The following NIM1K variants were observed in gnomAD, a reference collection of about 807,000 sequenced individuals.
The protein encoded by NIM1K is serine/threonine-protein kinase NIM1.
A neutral mutation model predicts 37.1 loss-of-function variants in NIM1K; 35 were observed. The observed-to-expected ratio is 0.94, with a 90% CI of 0.72 to 1.25. NIM1K has a LOEUF of 1.25. Among genes scored for constraint, NIM1K ranks in the 50% most tolerant of loss-of-function variants. NIM1K has a pLI of 0.00. For missense variants in NIM1K, 564 were observed against 548.0 expected (o/e 1.03, Z -0.29); for synonymous variants, 234 against 206.6 (o/e 1.13, Z -1.14).
chr5:43,210,309 T>C (rs1752185261), intron 1 of NIM1K, among the ~76,000 whole-genome samples: 1 of 152,224 alleles, frequency 6.6e-6, no homozygotes, highest in African/African-American at 2.4e-5. Context: ...AAAACAAGAA[T>C]TTAAAACAAA....
intron 1 of NIM1K, among the ~76,000 whole-genome samples, chr5:43,241,840 C>T (rs9292867): frequency 0.38 from 56,943 of 151,666 alleles, 11,761 homozygotes; most frequent in East Asian, 0.68. Flanking sequence ...ATGGCTTTCG[C>T]TGAGATCATA....
At chr5:43,209,130 T>A (rs1752168593) in intron 1 of NIM1K, among the ~76,000 whole-genome samples, 1 of 152,234 alleles carries the variant, frequency 6.6e-6, no homozygotes, top group Non-Finnish European at 1.5e-5. Context: ...TGGAGCCTCT[T>A]TTACTGTTGG....
chr5:43,196,145 A>T (rs930077634), intron 1 of NIM1K, among the ~76,000 whole-genome samples: 1 of 151,938 alleles, frequency 6.6e-6, no homozygotes, highest in Non-Finnish European at 1.5e-5. Flanking sequence ...TGCTCATTAG[A>T]TCTTTTCTCC....
intron 1 of NIM1K, among the ~76,000 whole-genome samples, chr5:43,195,844 CTG>C (rs923893985): frequency 1.3e-5 from 2 of 151,990 alleles, no homozygotes; most frequent in Admixed American, 6.6e-5. Context: ...GGGGAAAAAA[CTG>C]TAAGGAGAAA....
intron 2 of NIM1K, among the ~76,000 whole-genome samples, chr5:43,248,613 A>G (rs1055997636): frequency 3.9e-5 from 6 of 152,132 alleles, no homozygotes; most frequent in Non-Finnish European, 7.3e-5. Flanking sequence ...AATAGAAAAG[A>G]GAGAGAGGGA....
At chr5:43,222,891 A>G (rs1345176381) in intron 1 of NIM1K, among the ~76,000 whole-genome samples, 1 of 152,168 alleles carries the variant, frequency 6.6e-6, no homozygotes, top group Non-Finnish European at 1.5e-5. Flanking sequence ...CTGTAATCCC[A>G]GAACTTTCGG....
intron 2 of NIM1K, among the ~76,000 whole-genome samples, chr5:43,263,545 C>G (rs1183310690): frequency 6.7e-6 from 1 of 148,368 alleles, no homozygotes; most frequent in Non-Finnish European, 1.5e-5. Context: ...TTTTGTTGAT[C>G]TTTTCAAAAA....
At chr5:43,192,809 G>T (rs1182547266) in intron 1 of NIM1K, 1 of 152,340 alleles carries the variant, frequency 6.6e-6, no homozygotes, top group Non-Finnish European at 1.5e-5. Flanking sequence ...GCCGAGGAGC[G>T]CAGCTTAGCG....
rs547594237 is a variant in NIM1K, at chr5:43,273,870, AT to A, written c.293-3177del. On this transcript the variant is annotated intron_variant, in intron 2 of 3. Coordinates refer to ENST00000326035, the MANE Select transcript of NIM1K (RefSeq NM_153361.4). ...ATAGGTGCTATGCTTGTAAGAAGGG[AT>A]TTTTTTTTTAGTCTTTCTCTCATTG... 3.1e-4 allele frequency among the ~76,000 whole-genome samples: 47 copies of A among 149,470 alleles called. 1 individual carries two copies. The highest frequency in any genetic ancestry group is 3.5e-3 in the Middle Eastern group (1 of 288).
chr5:43,265,363 C>A (rs1326035679), intron 2 of NIM1K, among the ~76,000 whole-genome samples: 1 of 152,104 alleles, frequency 6.6e-6, no homozygotes, highest in African/African-American at 2.4e-5. Flanking sequence ...TCATTTCATT[C>A]ATTTGATCTT....
At chr5:43,210,084 AG>A (rs1340198701) in intron 1 of NIM1K, among the ~76,000 whole-genome samples, 1 of 151,750 alleles carries the variant, frequency 6.6e-6, no homozygotes, top group Non-Finnish European at 1.5e-5. Context: ...AACACCAGAC[AG>A]GATTTGAAGA....
chr5:43,265,786 AC>A (rs1461164448), intron 2 of NIM1K, among the ~76,000 whole-genome samples: 1 of 152,086 alleles, frequency 6.6e-6, no homozygotes, highest in East Asian at 1.9e-4. Context: ...GATGATGGTG[AC>A]CTACAGATGG....
At chr5:43,213,527 T>A (rs1345310323) in intron 1 of NIM1K, among the ~76,000 whole-genome samples, 1 of 151,038 alleles carries the variant, frequency 6.6e-6, no homozygotes, top group Non-Finnish European at 1.5e-5. Flanking sequence ...GGAGTCTCGC[T>A]CTGTCACCCA....
chr5:43,207,331 G>T (rs1752132524), intron 1 of NIM1K: 1 of 769,496 alleles, frequency 1.3e-6, no homozygotes, highest in Non-Finnish European at 2.4e-6. Context: ...AACCAAAGAT[G>T]GTCACTATGG....
chr5:43,241,546 G>A (rs1311951548), intron 1 of NIM1K, among the ~76,000 whole-genome samples: 1 of 151,718 alleles, frequency 6.6e-6, no homozygotes, highest in East Asian at 1.9e-4. Flanking sequence ...TCACCATGTT[G>A]GCCAGGAGGA....
chr5:43,242,570 A>G (rs1332001977), intron 1 of NIM1K, among the ~76,000 whole-genome samples: 2 of 151,966 alleles, frequency 1.3e-5, no homozygotes, highest in African/African-American at 4.9e-5. Context: ...ATAGCTAGTA[A>G]AGGGAGCCCA....
At position 43,232,584 on chromosome 5, in the gene NIM1K, C is replaced by T; in HGVS notation, c.-694-12498C>T. On this transcript the variant is annotated intron_variant, in intron 1 of 3. Coordinates refer to ENST00000326035, the MANE Select transcript of NIM1K (RefSeq NM_153361.4). ...CTACCATGAAGACACAATCAGAGTG[C>T]TCCAGGGTGGTGTGGGAGGTGAGGA... 6 of 1,572,534 alleles carry T rather than the reference C, an allele frequency of 3.8e-6. 1 individual carries two copies. The South Asian group carries it at 7.2e-5, about 19-fold the overall frequency.
At chr5:43,239,588 G>A (rs190582972) in intron 1 of NIM1K, among the ~76,000 whole-genome samples, 40 of 151,882 alleles carry the variant, frequency 2.6e-4, no homozygotes, top group Middle Eastern at 3.4e-3. Flanking sequence ...GTACAATGGC[G>A]CAATCTTGGC....
chr5:43,251,072 A>G (rs1407284207), intron 2 of NIM1K, among the ~76,000 whole-genome samples: 7 of 152,252 alleles, frequency 4.6e-5, no homozygotes, highest in Non-Finnish European at 8.8e-5. Context: ...CATGACATAT[A>G]GTAACCACTC....
Sources: gnomAD v4.1 joint callset for allele counts (sites outside exome capture counted in the v4.1 genomes callset) on GRCh38, gnomAD v4.1.1 for gene constraint, MANE v1.5 for transcripts, NCBI Gene and HGNC (gene_info 2026-07-23, HGNC 2026-07-21) for gene names.